FAM167A: variants seen among roughly 807,000 people sequenced by gnomAD.
The protein encoded by FAM167A is protein FAM167A.
Under a neutral mutation model 14.9 loss-of-function variants are expected in FAM167A, and 23 were observed. The observed-to-expected ratio is 1.55, with a 90% CI of 1.11 to 2.19. FAM167A has a LOEUF of 2.19. FAM167A is among the 30% of genes most tolerant of loss of function. FAM167A has a pLI of 0.00. For missense variants in FAM167A, 401 were observed against 281.5 expected (o/e 1.42, Z -3.04); for synonymous variants, 174 against 117.7 (o/e 1.48, Z -3.10).
intron 1 of FAM167A, among the ~76,000 whole-genome samples, chr8:11,465,845 C>T (rs1410032228): frequency 2.0e-5 from 3 of 152,206 alleles, no homozygotes; most frequent in Non-Finnish European, 4.4e-5. Flanking sequence ...AACCTGCTTG[C>T]AGGCATACGG....
rs779476502 is a variant in FAM167A, at chr8:11,424,350, C to A, written c.*23G>T. On this transcript the variant is annotated 3_prime_UTR_variant, in exon 3 of 3. Coordinates refer to ENST00000284486, the MANE Select transcript of FAM167A (RefSeq NM_053279.3). The stretch of plus-strand genomic sequence containing the variant: ...CCAGCCCAAGCCCTCCGCTCCAGCC[C>A]CTCCGCCCAGTCTGAGGGCTCCTCA... 3 of 1,613,232 alleles carry A rather than the reference C, an allele frequency of 1.9e-6. No individual in the cohort carries two copies. In the East Asian group the frequency reaches 6.7e-5, roughly 36 times the overall value.
chr8:11,430,092 T>C (rs551083019), intron 2 of FAM167A, among the ~76,000 whole-genome samples: 2 of 152,220 alleles, frequency 1.3e-5, no homozygotes, highest in Non-Finnish European at 2.9e-5. Context: ...GGTTTCATGC[T>C]GTCTCTGGCA....
chr8:11,474,526 G>A (rs1017153289), intron 1 of FAM167A: 1 of 152,198 alleles, frequency 6.6e-6, no homozygotes, highest in Admixed American at 6.5e-5. Flanking sequence ...TCTTAGGATT[G>A]AGACTTGGTT....
At chr8:11,475,278 C>T (rs1324766765) in intron 1 of FAM167A, among the ~76,000 whole-genome samples, 4 of 152,196 alleles carry the variant, frequency 2.6e-5, no homozygotes, top group African/African-American at 9.6e-5. Context: ...CCCTATGGGC[C>T]TCTCTGCACC....
Position 11,423,956 on chromosome 8 carries a change from C to G in FAM167A, c.*417G>C. Reference sequence around the variant, plus strand: ...ACGTGAGACAGGCACATCTGACATGCCTAATTTCCCCCAAGGCCCTTGCGG... The same window carrying G: ...ACGTGAGACAGGCACATCTGACATGGCTAATTTCCCCCAAGGCCCTTGCGG... On this transcript the variant is annotated 3_prime_UTR_variant, in exon 3 of 3. Coordinates refer to ENST00000284486, the MANE Select transcript of FAM167A (RefSeq NM_053279.3). 5.1e-6 allele frequency: 1 copy of G among 195,424 alleles called. No individual in the cohort carries two copies. Among genetic ancestry groups the G allele is most frequent in the Non-Finnish European group, 1.1e-5 (1 of 94,090 alleles). 12.1% of individuals were successfully genotyped at this position (195,424 alleles called of 1,614,324 possible).
intron 1 of FAM167A, among the ~76,000 whole-genome samples, chr8:11,466,330 G>C (rs923043307): frequency 1.3e-5 from 2 of 152,144 alleles, no homozygotes; most frequent in African/African-American, 4.8e-5. Context: ...GGCAGACCCC[G>C]AACCTCCACC....
At chr8:11,440,101 G>A (rs909257914) in intron 2 of FAM167A, among the ~76,000 whole-genome samples, 2 of 152,150 alleles carry the variant, frequency 1.3e-5, no homozygotes, top group African/African-American at 4.8e-5. Context: ...GACCTTCTGG[G>A]GACCTGAGCA....
chr8:11,450,029 G>A (rs990489369), intron 1 of FAM167A, among the ~76,000 whole-genome samples: 5 of 152,138 alleles, frequency 3.3e-5, no homozygotes, highest in Non-Finnish European at 5.9e-5. Context: ...TTCCAGCCTC[G>A]CATTCTCCAC....
chr8:11,453,829 T>A (rs1001685519), intron 1 of FAM167A, among the ~76,000 whole-genome samples: 1 of 152,038 alleles, frequency 6.6e-6, no homozygotes. Context: ...CCGCAGCACA[T>A]AAACACTGCA....
intron 1 of FAM167A, among the ~76,000 whole-genome samples, chr8:11,456,422 GGGTGTA>G (rs1807310472): frequency 3.5e-4 from 46 of 131,468 alleles, no homozygotes; most frequent in Admixed American, 5.4e-4. Context: ...TTGCCTTGCT[GGGTGTA>G]TGAGTGTGTG....
chr8:11,441,160 T>C (rs545983999), intron 2 of FAM167A, among the ~76,000 whole-genome samples: 1 of 152,294 alleles, frequency 6.6e-6, no homozygotes, highest in East Asian at 1.9e-4. Context: ...CAGGGTGGGA[T>C]GCTGTGGGTT....
intron 1 of FAM167A, among the ~76,000 whole-genome samples, chr8:11,449,036 AC>A (rs1407408640): frequency 1.3e-5 from 2 of 152,232 alleles, no homozygotes; most frequent in African/African-American, 4.8e-5. Context: ...GCAGGTGGTC[AC>A]CCGTAGCTGG....
intron 1 of FAM167A, among the ~76,000 whole-genome samples, chr8:11,452,072 C>T (rs559690662): frequency 6.2e-4 from 95 of 152,312 alleles, no homozygotes; most frequent in Admixed American, 2.7e-3. Context: ...CCTCTGCCAC[C>T]ATTCCACGTG....
At chr8:11,442,310 G>A (rs985498654) in intron 2 of FAM167A, among the ~76,000 whole-genome samples, 7 of 152,196 alleles carry the variant, frequency 4.6e-5, no homozygotes, top group South Asian at 2.1e-4. Context: ...AAAACCACAC[G>A]TGTGGTTATC....
intron 2 of FAM167A, among the ~76,000 whole-genome samples, chr8:11,430,785 G>A (rs1805527602): frequency 6.6e-6 from 1 of 152,144 alleles, no homozygotes; most frequent in Admixed American, 6.5e-5. Flanking sequence ...GACGGCCAAG[G>A]CGGCCCTGGA....
rs759102263 is a variant in FAM167A, at chr8:11,424,484, G to C, written c.534C>G (p.Ala178=). 2.0e-5 allele frequency: 32 copies of C among 1,614,140 alleles called. No homozygotes were observed. In the Middle Eastern group the frequency reaches 8.2e-4, roughly 42 times the overall value. Residue 178 remains alanine (A), a synonymous_variant, in exon 3 of 3, where the codon GCC becomes GCG. Transcript: ENST00000284486. ...CAAGAGGGGAGTCACAGAAGAGGTCGGCCAGCTCATCCCGCTCCTCCAGCT... is the reference window on the plus strand; with the variant it reads ...CAAGAGGGGAGTCACAGAAGAGGTCCGCCAGCTCATCCCGCTCCTCCAGCT... ...TYELEERDEL[A]DLFCDSPLAS... is the part of the protein sequence containing the mutation.
chr8:11,445,293 G>C, intron 1 of FAM167A: 1 of 985,828 alleles, frequency 1.0e-6, no homozygotes, highest in Non-Finnish European at 1.2e-6. Context: ...AGGTGGGTCT[G>C]CTCCGTCCAG....
At chr8:11,454,322 C>T (rs1051534650) in intron 1 of FAM167A, among the ~76,000 whole-genome samples, 3 of 152,336 alleles carry the variant, frequency 2.0e-5, no homozygotes, top group East Asian at 1.9e-4. Flanking sequence ...CAGAGAGACT[C>T]GTGGCTTCAC....
intron 1 of FAM167A, among the ~76,000 whole-genome samples, chr8:11,453,226 G>A (rs535184198): frequency 9.2e-5 from 14 of 152,186 alleles, no homozygotes; most frequent in Non-Finnish European, 1.2e-4. Flanking sequence ...AGGCTGGAGC[G>A]CAAGTGGTAC....
Sources: allele counts gnomAD v4.1 joint callset (sites outside exome capture counted in the v4.1 genomes callset), GRCh38; gene constraint gnomAD v4.1.1; transcripts MANE v1.5; gene names NCBI Gene and HGNC (gene_info 2026-07-23, HGNC 2026-07-21).